SLIT3: variants seen among roughly 807,000 people sequenced by gnomAD.
SLIT3 encodes the protein slit guidance ligand 3.
Under a neutral mutation model 184.0 loss-of-function variants are expected in SLIT3, and 68 were observed. The ratio of observed to expected loss-of-function variants is 0.37; its 90% CI spans 0.30 to 0.45. The LOEUF (loss-of-function observed/expected upper bound fraction) is 0.45. Ranked by LOEUF, SLIT3 falls within the 20% of genes least tolerant of loss-of-function variation. The pLI, the probability that SLIT3 is intolerant of heterozygous loss-of-function variation, is 1.00. For synonymous variants in SLIT3, 831 were observed against 828.6 expected, an observed-to-expected ratio of 1.00 and a Z score of -0.05; for missense variants, 1,707 against 2,026.0, an observed-to-expected ratio of 0.84 and a Z score of 3.02.
chr5:169,286,350 C>A (rs1456583495), intron 1 of SLIT3, among the ~76,000 whole-genome samples: 1 of 149,060 alleles, frequency 6.7e-6, no homozygotes, highest in African/African-American at 2.6e-5. Flanking sequence ...AGAAGGCTTA[C>A]TGTGGAGCTG....
intron 4 of SLIT3, among the ~76,000 whole-genome samples, chr5:169,123,341 G>C (rs1760953582): frequency 6.6e-6 from 1 of 152,036 alleles, no homozygotes; most frequent in Non-Finnish European, 1.5e-5. Flanking sequence ...CCACCTCCCA[G>C]TCAGTAGTTT....
At chr5:169,013,713 G>A (rs1459307157) in intron 4 of SLIT3, among the ~76,000 whole-genome samples, 4 of 152,144 alleles carry the variant, frequency 2.6e-5, no homozygotes, top group East Asian at 1.9e-4. Context: ...GCAGCTCCTC[G>A]AAAGACAAAT....
chr5:169,036,667 T>C lies in SLIT3; in HGVS notation c.414-153331A>G, dbSNP rs192424325. The stretch of plus-strand genomic sequence containing the variant: ...TCTCCTTGTTAATAGTAATTTTTTT[T>C]TGGCGGCGTCTGTGCAGAGATGTGG... On this transcript the variant is annotated intron_variant, in intron 4 of 35. Transcript: ENST00000519560. 4.7e-3 allele frequency among the ~76,000 whole-genome samples: 711 copies of C among 152,292 alleles called. 16 individuals carry two copies. Among genetic ancestry groups the C allele is most frequent in the East Asian group, 0.012 (60 of 5,174 alleles).
At chr5:169,144,636 A>G (rs1207667048) in intron 4 of SLIT3, among the ~76,000 whole-genome samples, 1 of 152,218 alleles carries the variant, frequency 6.6e-6, no homozygotes, top group Non-Finnish European at 1.5e-5. Flanking sequence ...GTGAATCCTC[A>G]GGAAGGGTCT....
intron 4 of SLIT3, 120 bp from the exon 5 acceptor site, chr5:168,883,456 C>A (rs1049848572): frequency 5.5e-6 from 4 of 725,416 alleles, no homozygotes; most frequent in African/African-American, 1.8e-5. Context: ...GAGTGTATGG[C>A]GGCTGTTTGG....
intron 11 of SLIT3, 132 bp downstream of exon 11, chr5:168,789,428 T>C (rs1298322128): frequency 1.6e-6 from 1 of 626,222 alleles, no homozygotes; most frequent in East Asian, 2.8e-5. Context: ...TTGTTTCTTT[T>C]ACCAGGTTGC....
intron 4 of SLIT3, among the ~76,000 whole-genome samples, chr5:169,043,313 C>T (rs1434065952): frequency 1.3e-5 from 2 of 152,180 alleles, no homozygotes; most frequent in African/African-American, 4.8e-5. Flanking sequence ...CTGGTTGAGA[C>T]ACATTATAGT....
At chr5:169,050,583 T>C (rs755299660) in intron 4 of SLIT3, among the ~76,000 whole-genome samples, 2 of 152,200 alleles carry the variant, frequency 1.3e-5, no homozygotes, top group African/African-American at 4.8e-5. Context: ...AAGACCAACG[T>C]TGTGTCTGCC....
chr5:169,020,917 C>T (rs1162644510), intron 4 of SLIT3, among the ~76,000 whole-genome samples: 1 of 152,198 alleles, frequency 6.6e-6, no homozygotes, highest in Non-Finnish European at 1.5e-5. Flanking sequence ...CAAGATAACC[C>T]TTCCTCCAGG....
At chr5:169,251,254 G>C in intron 2 of SLIT3, 134 bp downstream of exon 2, 1 of 692,216 alleles carries the variant, frequency 1.4e-6, no homozygotes, top group Admixed American at 1.9e-5. Flanking sequence ...CGCTAACGAG[G>C]GGCTTTCTGC....
At position 169,114,961 on chromosome 5, in the gene SLIT3, G is replaced by A. The variant is rs559530460; in HGVS notation, c.413+78518C>T. 4.6e-5 allele frequency among the ~76,000 whole-genome samples: 7 copies of A among 152,314 alleles called. No homozygotes were observed. In the South Asian group the frequency reaches 1.4e-3, roughly 32 times the overall value. Reference sequence around the variant, plus strand: ...CTCAGCATAAAGCTGATGAAATGGAGGGGGAGGGCGGAAGGAGGTGTGCTA... The same window carrying A: ...CTCAGCATAAAGCTGATGAAATGGAAGGGGAGGGCGGAAGGAGGTGTGCTA... On this transcript the variant is annotated intron_variant, in intron 4 of 35. Transcript: ENST00000519560.
chr5:168,930,764 A>G (rs1025977384), intron 4 of SLIT3, among the ~76,000 whole-genome samples: 28 of 151,810 alleles, frequency 1.8e-4, no homozygotes, highest in Non-Finnish European at 1.5e-4. Flanking sequence ...TTCACATGAG[A>G]AGCTAAGGTC....
intron 4 of SLIT3, among the ~76,000 whole-genome samples, chr5:169,073,317 G>C (rs1758620269): frequency 6.6e-6 from 1 of 152,066 alleles, no homozygotes; most frequent in Non-Finnish European, 1.5e-5. Flanking sequence ...TGGTCAGTTG[G>C]GCCTTGGATA....
chr5:169,100,748 C>A (rs890492561), intron 4 of SLIT3, among the ~76,000 whole-genome samples: 1 of 152,166 alleles, frequency 6.6e-6, no homozygotes, highest in Non-Finnish European at 1.5e-5. Context: ...GATCCTGTGA[C>A]CAATTCCAGG....
intron 20 of SLIT3, among the ~76,000 whole-genome samples, chr5:168,736,301 C>G (rs1270936716): frequency 6.6e-6 from 1 of 152,214 alleles, no homozygotes; most frequent in Non-Finnish European, 1.5e-5. Context: ...GAAGTGTCCT[C>G]TACTGGTGCC....
chr5:168,899,848 G>C (rs115393087), intron 4 of SLIT3, among the ~76,000 whole-genome samples: 2 of 152,084 alleles, frequency 1.3e-5, no homozygotes, highest in Non-Finnish European at 2.9e-5. Flanking sequence ...GGACTTCTGT[G>C]CTCTGTGATG....
At chr5:169,066,050 C>G (rs1758340161) in intron 4 of SLIT3, among the ~76,000 whole-genome samples, 1 of 152,148 alleles carries the variant, frequency 6.6e-6, no homozygotes, top group Non-Finnish European at 1.5e-5. Context: ...TAACCTGGCC[C>G]AAGCTCACAA....
At chr5:169,250,102 C>A (rs867194169) in intron 2 of SLIT3, among the ~76,000 whole-genome samples, 2 of 152,216 alleles carry the variant, frequency 1.3e-5, no homozygotes, top group Non-Finnish European at 1.5e-5. Context: ...AGTCTAGGTT[C>A]CAATTCCAAC....
At chr5:169,150,267 C>T (rs1452333296) in intron 4 of SLIT3, among the ~76,000 whole-genome samples, 2 of 152,168 alleles carry the variant, frequency 1.3e-5, no homozygotes, top group Non-Finnish European at 2.9e-5. Flanking sequence ...ATACCAGGCA[C>T]TTCACGGCAG....
Sources: gnomAD v4.1 joint callset for allele counts (sites outside exome capture counted in the v4.1 genomes callset) on GRCh38, gnomAD v4.1.1 for gene constraint, MANE v1.5 for transcripts, NCBI Gene and HGNC (gene_info 2026-07-23, HGNC 2026-07-21) for gene names.